The following SERINC5 variants were observed in gnomAD, a reference collection of about 807,000 sequenced individuals.
SERINC5 encodes serine incorporator 5.
Under a neutral mutation model 63.1 loss-of-function variants are expected in SERINC5, and 41 were observed. The observed-to-expected ratio is 0.65, with a 90% CI of 0.51 to 0.84. The LOEUF is 0.84. Among genes scored for constraint, SERINC5 ranks in the 40% least tolerant of loss-of-function variants. The probability of loss-of-function intolerance (pLI) is 0.00; values close to 1 mark genes in which losing one functional copy is unlikely to be tolerated. For synonymous variants in SERINC5, 222 were observed against 215.2 expected, an observed-to-expected ratio of 1.03 and a Z score of -0.28; for missense variants, 523 against 573.0, an observed-to-expected ratio of 0.91 and a Z score of 0.89.
intron 11 of SERINC5, among the ~76,000 whole-genome samples, chr5:80,145,300 G>A (rs1301979076): frequency 1.3e-5 from 2 of 151,920 alleles, no homozygotes; most frequent in Admixed American, 6.6e-5. Context: ...CCGAGATTGC[G>A]CCACTGCACT....
At chr5:80,254,775 G>C (rs1752575800) in intron 1 of SERINC5, among the ~76,000 whole-genome samples, 1 of 152,060 alleles carries the variant, frequency 6.6e-6, no homozygotes, top group East Asian at 1.9e-4. Context: ...CTCTGAAAAG[G>C]CCAGCTTTAA....
chr5:80,181,682 A>G (rs1360653837), intron 2 of SERINC5, among the ~76,000 whole-genome samples: 1 of 152,130 alleles, frequency 6.6e-6, no homozygotes, highest in African/African-American at 2.4e-5. Flanking sequence ...ATTTTGTCAC[A>G]ACAGAGACAA....
intron 11 of SERINC5, among the ~76,000 whole-genome samples, chr5:80,131,028 G>C (rs1257136062): frequency 1.3e-5 from 2 of 152,226 alleles, no homozygotes; most frequent in East Asian, 1.9e-4. Flanking sequence ...ACATAGAATA[G>C]TCAGGGAGAA....
chr5:80,140,699 G>T lies in SERINC5; in HGVS notation c.*2964C>A, dbSNP rs904284505. ...CTAGTCTCCAGTCAGGTAACATGCC[G>T]CGGTATGACACTCCCATAAGAACCC... On this transcript the variant is annotated 3_prime_UTR_variant, in exon 12 of 12. Transcript: ENST00000507668. The T allele has an allele frequency of 2.0e-6, 2 of 985,214 alleles. No homozygotes were observed. The highest frequency in any genetic ancestry group is 6.2e-5 in the Admixed American group (1 of 16,246). The allele number at this position is 985,214 out of a possible 1,614,324, so 61.0% of individuals were successfully genotyped here.
At chr5:80,207,134 G>A (rs1561426759) in intron 1 of SERINC5, among the ~76,000 whole-genome samples, 1 of 152,106 alleles carries the variant, frequency 6.6e-6, no homozygotes, top group Non-Finnish European at 1.5e-5. Flanking sequence ...GAGTAGCTGG[G>A]ACTACAGGCG....
chr5:80,147,980 G>A, intron 9 of SERINC5, among the ~76,000 whole-genome samples: 1 of 152,080 alleles, frequency 6.6e-6, no homozygotes, highest in East Asian at 1.9e-4. Context: ...ATGCAGGATG[G>A]GGACACCAAG....
At chr5:80,137,405 C>T (rs985873783), downstream of SERINC5, among the ~76,000 whole-genome samples, 2 of 150,458 alleles carry the variant, frequency 1.3e-5, no homozygotes, top group African/African-American at 4.9e-5. Flanking sequence ...CTTTGGGAGG[C>T]CAAGACAGGC....
At chr5:80,176,994 C>T (rs1441301341) in intron 4 of SERINC5, among the ~76,000 whole-genome samples, 1 of 152,180 alleles carries the variant, frequency 6.6e-6, no homozygotes, top group Non-Finnish European at 1.5e-5. Context: ...ATCGCTGCAG[C>T]AGACATTTAG....
At position 80,141,915 on chromosome 5, in the gene SERINC5, A is replaced by G; in HGVS notation, c.*1748T>C. Reference sequence around the variant, plus strand: ...AGTAGGGAAAGTTCTAAAGGAATTCATCCCCTGTAATTTGTTTCCCCATGG... The same window carrying G: ...AGTAGGGAAAGTTCTAAAGGAATTCGTCCCCTGTAATTTGTTTCCCCATGG... On this transcript the variant is annotated 3_prime_UTR_variant, in exon 12 of 12. Coordinates refer to ENST00000507668, the MANE Select transcript of SERINC5 (RefSeq NM_001174072.3). The G allele has an allele frequency of 2.0e-6, 2 of 985,362 alleles. No homozygotes were observed. Among genetic ancestry groups the G allele is most frequent in the Non-Finnish European group, 2.4e-6 (2 of 829,910 alleles). 61.0% of individuals were successfully genotyped at this position (985,362 alleles called of 1,614,324 possible). A position where few individuals can be genotyped will look rare whatever the true frequency, so the allele number is the denominator to read the frequency against.
At chr5:80,172,722 G>A (rs1747744723) in intron 5 of SERINC5, among the ~76,000 whole-genome samples, 1 of 152,180 alleles carries the variant, frequency 6.6e-6, no homozygotes, top group Admixed American at 6.5e-5. Context: ...AAATATCTAA[G>A]AGCAAATAAT....
At chr5:80,210,548 A>C (rs552228101) in intron 1 of SERINC5, among the ~76,000 whole-genome samples, 38 of 152,206 alleles carry the variant, frequency 2.5e-4, no homozygotes, top group Non-Finnish European at 3.8e-4. Context: ...TGTTAAATTA[A>C]AAAGCACAAT....
Position 80,237,169 on chromosome 5 carries a change from G to T in SERINC5, c.27+18727C>A, listed in dbSNP as rs1029666015. 3.9e-5 allele frequency among the ~76,000 whole-genome samples: 6 copies of T among 152,142 alleles called. No homozygotes were observed. In the East Asian group the frequency reaches 1.2e-3, roughly 29 times the overall value. On this transcript the variant is annotated intron_variant, in intron 1 of 11. Coordinates refer to ENST00000507668, the MANE Select transcript of SERINC5 (RefSeq NM_001174072.3). ...GGCAGTATCACTGCCTGCCCCAGGG[G>T]TCAGGTGCATCCTTGGTAGTAAAGG...
intron 1 of SERINC5, among the ~76,000 whole-genome samples, chr5:80,222,571 T>A (rs905739319): frequency 6.6e-6 from 1 of 151,032 alleles, no homozygotes; most frequent in African/African-American, 2.4e-5. Flanking sequence ...AGTGTGTGAG[T>A]GTGTGTGTGT....
At position 80,178,073 on chromosome 5, in the gene SERINC5, A is replaced by T. The variant is rs753044895; in HGVS notation, c.196-9T>A. 6 of 1,575,744 alleles carry T rather than the reference A, an allele frequency of 3.8e-6. No individual in the cohort carries two copies. In the South Asian group the frequency reaches 7.1e-5, roughly 19 times the overall value. On this transcript the variant is annotated splice_polypyrimidine_tract_variant and intron_variant, in intron 2 of 11. Transcript: ENST00000507668. ...TCTTCAAAAAAAGGAATCTGAGGAG[A>T]AAGTTTAGAAAAGTCATCTGTTACA...
At chr5:80,116,066 G>A (rs934866487) in intron 11 of SERINC5, 2 of 341,542 alleles carry the variant, frequency 5.9e-6, no homozygotes, top group Non-Finnish European at 1.1e-5. Context: ...GGGAAGGCTG[G>A]GGCTGATGGA....
intron 2 of SERINC5, among the ~76,000 whole-genome samples, chr5:80,188,404 A>G (rs1748967451): frequency 6.6e-6 from 1 of 152,198 alleles, no homozygotes; most frequent in African/African-American, 2.4e-5. Context: ...ATAAAAATAC[A>G]AATAACCCAG....
intron 1 of SERINC5, among the ~76,000 whole-genome samples, chr5:80,248,121 G>C (rs1254861433): frequency 6.6e-6 from 1 of 152,084 alleles, no homozygotes; most frequent in Non-Finnish European, 1.5e-5. Context: ...GAAAGTGCTG[G>C]GATTACAGGC....
At chr5:80,208,390 A>G (rs1750272853) in intron 1 of SERINC5, among the ~76,000 whole-genome samples, 1 of 151,536 alleles carries the variant, frequency 6.6e-6, no homozygotes, top group African/African-American at 2.4e-5. Context: ...AAAAAAACCT[A>G]AGCCTATTTT....
rs563939339 is a variant in SERINC5, at chr5:80,226,572, C to CCACT, written c.28-23523_28-23520dup. On this transcript the variant is annotated intron_variant, in intron 1 of 11. Coordinates refer to ENST00000507668, the MANE Select transcript of SERINC5 (RefSeq NM_001174072.3). Reference sequence around the variant, plus strand: ...ATGCACCTACAGCAGTCAGAAGAGCCCACTGGATGCTGCCCCTTGTGAGGG... The same window carrying CCACT: ...ATGCACCTACAGCAGTCAGAAGAGCCCACTCACTGGATGCTGCCCCTTGTGAGGG... Among the ~76,000 whole-genome samples the CCACT allele has an allele frequency of 8.5e-5, 13 of 152,224 alleles. No individual in the cohort carries two copies. In the South Asian group the frequency reaches 2.7e-3, roughly 32 times the overall value.
Sources: gnomAD v4.1 joint callset for allele counts (sites outside exome capture counted in the v4.1 genomes callset) on GRCh38, gnomAD v4.1.1 for gene constraint, MANE v1.5 for transcripts, NCBI Gene and HGNC (gene_info 2026-07-23, HGNC 2026-07-21) for gene names.